IL1RAPL1: variants seen among roughly 807,000 people sequenced by gnomAD.
IL1RAPL1 encodes the protein interleukin-1 receptor accessory protein-like 1.
A neutral mutation model predicts 48.4 loss-of-function variants in IL1RAPL1; 3 were observed. The observed-to-expected ratio is 0.06, with a 90% CI of 0.03 to 0.16. IL1RAPL1 has a LOEUF of 0.16. Ranked by LOEUF, IL1RAPL1 falls within the 10% of genes least tolerant of loss-of-function variation. The pLI is 1.00. For missense variants in IL1RAPL1, 349 were observed against 530.6 expected, an observed-to-expected ratio of 0.66 and a Z score of 3.36; for synonymous variants, 185 against 187.7, an observed-to-expected ratio of 0.99 and a Z score of 0.12.
chrX:29,934,697 C>T (rs751595006), intron 8 of IL1RAPL1, among the ~76,000 whole-genome samples: 5 of 111,746 alleles, frequency 4.5e-5, no homozygotes, highest in African/African-American at 1.6e-4. Flanking sequence ...CATATACACA[C>T]ACACACACAA....
rs750727005 is a variant in IL1RAPL1, at chrX:29,217,777, TCACACACACACACACA to T, written c.83-65135_83-65120del. Reference sequence around the variant, plus strand: ...TTTTTTCTCTCTCTCTCTCTCTCTCTCACACACACACACACACACACACACACACACACACACACAC... The same window carrying T: ...TTTTTTCTCTCTCTCTCTCTCTCTCTCACACACACACACACACACACACAC... On this transcript the variant is annotated intron_variant, in intron 2 of 10. Coordinates refer to ENST00000378993, the MANE Select transcript of IL1RAPL1 (RefSeq NM_014271.4). 4.9e-5 allele frequency among the ~76,000 whole-genome samples: 3 copies of T among 60,642 alleles called. No homozygotes were observed. In the Admixed American group the frequency reaches 5.9e-4, roughly 12 times the overall value. 52.7% of individuals were successfully genotyped at this position (60,642 alleles called of 115,157 possible).
chrX:28,702,726 T>C (rs1935315294), intron 1 of IL1RAPL1, among the ~76,000 whole-genome samples: 1 of 111,573 alleles, frequency 9.0e-6, no homozygotes, highest in Admixed American at 9.6e-5. Flanking sequence ...ACTTGTATTA[T>C]TGATGAAAAT....
intron 2 of IL1RAPL1, among the ~76,000 whole-genome samples, chrX:28,837,550 T>G (rs1921253516): frequency 9.1e-6 from 1 of 109,924 alleles, no homozygotes; most frequent in African/African-American, 3.3e-5. Context: ...TCCTGTGTTT[T>G]CATGCCCTGT....
intron 5 of IL1RAPL1, among the ~76,000 whole-genome samples, chrX:29,532,061 A>G (rs758946745): frequency 3.6e-5 from 4 of 112,126 alleles, no homozygotes; most frequent in South Asian, 7.5e-4. Context: ...AACCAATAAC[A>G]CATAGATAAT....
At chrX:29,688,870 T>C (rs1416252923) in intron 6 of IL1RAPL1, among the ~76,000 whole-genome samples, 2 of 108,342 alleles carry the variant, frequency 1.8e-5, no homozygotes, top group Non-Finnish European at 3.8e-5. Context: ...AGTTACCAAA[T>C]GGGGAAGACA....
At chrX:29,246,808 G>A (rs1156637533) in intron 2 of IL1RAPL1, among the ~76,000 whole-genome samples, 1 of 111,247 alleles carries the variant, frequency 9.0e-6, no homozygotes, top group Non-Finnish European at 1.9e-5. Flanking sequence ...GTCTAGAGCT[G>A]TTCCCAAAGA....
intron 2 of IL1RAPL1, among the ~76,000 whole-genome samples, chrX:28,929,081 T>A (rs1333877143): frequency 9.8e-5 from 11 of 111,907 alleles, no homozygotes; most frequent in Non-Finnish European, 1.9e-5. Flanking sequence ...CAGGCATATG[T>A]TCTAAATGCA....
chrX:29,165,091 G>T (rs1392436352), intron 2 of IL1RAPL1, among the ~76,000 whole-genome samples: 1 of 112,094 alleles, frequency 8.9e-6, no homozygotes, highest in Non-Finnish European at 1.9e-5. Context: ...GGCCGAGGCG[G>T]GTGGATCACC....
chrX:28,737,753 G>T lies in IL1RAPL1; in HGVS notation c.-24-51567G>T, dbSNP rs189422714. Among the ~76,000 whole-genome samples, 5 of 111,917 alleles carry T rather than the reference G, an allele frequency of 4.5e-5. No homozygotes were observed. In the East Asian group the frequency reaches 1.4e-3, roughly 31 times the overall value. The stretch of plus-strand genomic sequence containing the variant: ...TAGTATATCTTTTTAACTTCTTAAA[G>T]ACACAACAAATATGGAATATTAAAC... On this transcript the variant is annotated intron_variant, in intron 1 of 10. Coordinates refer to ENST00000378993, the MANE Select transcript of IL1RAPL1 (RefSeq NM_014271.4).
chrX:28,984,322 AG>A (rs1925414150), intron 2 of IL1RAPL1, among the ~76,000 whole-genome samples: 1 of 111,638 alleles, frequency 9.0e-6, no homozygotes, highest in Admixed American at 9.5e-5. Context: ...AGAGACTTCC[AG>A]GCTTCTGTTA....
intron 5 of IL1RAPL1, among the ~76,000 whole-genome samples, chrX:29,473,308 G>A (rs1266155086): frequency 9.0e-6 from 1 of 111,700 alleles, no homozygotes; most frequent in East Asian, 2.8e-4. Flanking sequence ...AATTACATCT[G>A]TAATGACGTT....
chrX:29,344,228 A>G (rs771716378), intron 3 of IL1RAPL1, among the ~76,000 whole-genome samples: 1 of 112,317 alleles, frequency 8.9e-6, no homozygotes, highest in South Asian at 3.7e-4. Flanking sequence ...CAGAACAGTA[A>G]TTCCATGTAA....
intron 2 of IL1RAPL1, among the ~76,000 whole-genome samples, chrX:29,227,850 T>A (rs1931110769): frequency 1.8e-5 from 2 of 111,153 alleles, no homozygotes; most frequent in South Asian, 7.6e-4. Flanking sequence ...AACCTTTACA[T>A]CTATTCATCT....
intron 2 of IL1RAPL1, among the ~76,000 whole-genome samples, chrX:28,959,896 C>G: frequency 8.9e-6 from 1 of 111,929 alleles, no homozygotes; most frequent in Non-Finnish European, 1.9e-5. Flanking sequence ...TAATTTCACT[C>G]TACATTTATT....
At chrX:28,652,905 A>C (rs1934700971) in intron 1 of IL1RAPL1, among the ~76,000 whole-genome samples, 1 of 110,393 alleles carries the variant, frequency 9.1e-6, no homozygotes, top group South Asian at 3.9e-4. Flanking sequence ...CTATATTTTC[A>C]AATAAATCTA....
intron 1 of IL1RAPL1, among the ~76,000 whole-genome samples, chrX:28,662,836 C>G (rs1238209008): frequency 9.0e-6 from 1 of 111,432 alleles, no homozygotes; most frequent in Non-Finnish European, 1.9e-5. Context: ...TTTGGAATCA[C>G]ATTCATGCCA....
chrX:29,661,618 T>C (rs1925851347), intron 5 of IL1RAPL1, among the ~76,000 whole-genome samples: 1 of 112,054 alleles, frequency 8.9e-6, no homozygotes, highest in Non-Finnish European at 1.9e-5. Context: ...ATTAGCCTTA[T>C]GGATAAAAAG....
At chrX:29,848,391 A>T in intron 6 of IL1RAPL1, among the ~76,000 whole-genome samples, 1 of 110,899 alleles carries the variant, frequency 9.0e-6, no homozygotes, top group Non-Finnish European at 1.9e-5. Flanking sequence ...CTTAGTAGAA[A>T]AAAAGCAAAC....
chrX:28,712,002 A>G (rs992716137), intron 1 of IL1RAPL1, among the ~76,000 whole-genome samples: 1 of 111,038 alleles, frequency 9.0e-6, no homozygotes, highest in African/African-American at 3.3e-5. Context: ...TTCATCGCAA[A>G]CCTAAAGAGG....
Sources: gnomAD v4.1 joint callset for allele counts (sites outside exome capture counted in the v4.1 genomes callset) on GRCh38, gnomAD v4.1.1 for gene constraint, MANE v1.5 for transcripts, NCBI Gene and HGNC (gene_info 2026-07-23, HGNC 2026-07-21) for gene names.